The following PRDM16 variants were observed in gnomAD, a reference collection of about 807,000 sequenced individuals.
PRDM16 encodes the protein histone-lysine N-methyltransferase PRDM16.
PRDM16 carries 23 observed loss-of-function variants against 110.6 expected under a neutral mutation model. The observed-to-expected ratio is 0.21, with a 90% confidence interval of 0.15 to 0.29. PRDM16 has a LOEUF of 0.29. PRDM16 is among the 10% of genes least tolerant of loss of function. The pLI is 1.00. For synonymous variants in PRDM16, 799 were observed against 781.8 expected (o/e 1.02, Z -0.37); for missense variants, 1,615 against 1,794.3 (o/e 0.90, Z 1.81).
chr1:3,235,243 C>T (rs1333997691), intron 2 of PRDM16, among the ~76,000 whole-genome samples: 1 of 152,234 alleles, frequency 6.6e-6, no homozygotes, highest in Non-Finnish European at 1.5e-5. Context: ...AACAAACAGC[C>T]TCGCAGAACT....
intron 1 of PRDM16, among the ~76,000 whole-genome samples, chr1:3,181,306 A>ACG (rs1553140978): frequency 2.4e-5 from 3 of 126,748 alleles, no homozygotes; most frequent in African/African-American, 5.8e-5. Context: ...AGTCTTACAC[A>ACG]CGGTCTTACA....
intron 14 of PRDM16, among the ~76,000 whole-genome samples, chr1:3,428,043 C>T (rs564522360): frequency 3.1e-4 from 47 of 152,310 alleles, no homozygotes; most frequent in East Asian, 7.7e-4. Flanking sequence ...TAAGGCCAGG[C>T]GAGGAACAAG....
rs1217629270 is a variant in PRDM16 at position 3,246,442 on chromosome 1, G to A, written c.438+2305G>A. Among the ~76,000 whole-genome samples the A allele has an allele frequency of 2.0e-5, 3 of 152,344 alleles. No homozygotes were observed. Among genetic ancestry groups the A allele is most frequent in the African/African-American group, 7.2e-5 (3 of 41,586 alleles). On this transcript the variant is annotated intron_variant, in intron 3 of 16. Coordinates refer to ENST00000270722, the MANE Select transcript of PRDM16 (RefSeq NM_022114.4). This position sits in a 1 kb window ranked among gnomAD's most constrained non-coding sequence, Gnocchi z 5.2. ...GACCCCCCACGGCACCGCCGCGACT[G>A]CAGGGAGCTCAGCGCAGGGTACCAG...
chr1:3,351,862 A>G (rs940276878), intron 3 of PRDM16, among the ~76,000 whole-genome samples: 3 of 148,542 alleles, frequency 2.0e-5, no homozygotes, highest in African/African-American at 7.5e-5. Context: ...GAGAACTCAC[A>G]CACTCACTCT....
intron 2 of PRDM16, among the ~76,000 whole-genome samples, chr1:3,240,038 A>AAGAGG (rs1317578311): frequency 1.9e-5 from 2 of 105,306 alleles, no homozygotes; most frequent in Non-Finnish European, 3.7e-5. Flanking sequence ...AGGAGAGGAG[A>AAGAGG]AGAGGAGAGG....
chr1:3,347,423 G>A (rs1262567856), intron 3 of PRDM16, among the ~76,000 whole-genome samples: 3 of 152,230 alleles, frequency 2.0e-5, no homozygotes, highest in African/African-American at 7.2e-5. Flanking sequence ...GCCCACGGTG[G>A]TGCAGGTCCC....
chr1:3,334,614 G>A (rs1398897579), intron 3 of PRDM16, among the ~76,000 whole-genome samples: 1 of 152,042 alleles, frequency 6.6e-6, no homozygotes, highest in Non-Finnish European at 1.5e-5. Flanking sequence ...TGCAGAGGCT[G>A]TGCCCAGTGG....
At position 3,069,251 on chromosome 1, in the gene PRDM16, G is replaced by C. The variant is rs752710251; in HGVS notation, c.-9G>C. On this transcript the variant is annotated 5_prime_UTR_variant, in exon 1 of 17. Transcript: ENST00000270722. The surrounding 1 kb of genome is among the most constrained non-coding windows in gnomAD (Gnocchi z 6.1). ...AAGGAGGAGGAGAGAGATTCCGCGA[G>C]CCGACACCATGCGATCCAAGGCGAG... The C allele has an allele frequency of 2.0e-5, 32 of 1,576,870 alleles. No homozygotes were observed. The highest frequency in any genetic ancestry group is 2.5e-5 in the Non-Finnish European group (29 of 1,162,900).
intron 1 of PRDM16, among the ~76,000 whole-genome samples, chr1:3,104,482 G>A (rs937092179): frequency 1.4e-5 from 2 of 138,716 alleles, no homozygotes; most frequent in Admixed American, 1.5e-4. Flanking sequence ...CTGAGTCAGC[G>A]GGCATCTCCA....
At position 3,409,129 on chromosome 1, in the gene PRDM16, ATGTGAGTG is replaced by A. The variant is rs1009225792; in HGVS notation, c.1187-2244_1187-2237del. 3.1e-4 allele frequency among the ~76,000 whole-genome samples: 29 copies of A among 94,004 alleles called. No homozygotes were observed. In the South Asian group the frequency reaches 5.0e-3, roughly 16 times the overall value. The allele number at this position is 94,004 out of a possible 152,430, so 61.7% of individuals were successfully genotyped here. A position where few individuals can be genotyped will look rare whatever the true frequency, so the allele number is the denominator to read the frequency against. On this transcript the variant is annotated intron_variant, in intron 8 of 16. Coordinates refer to ENST00000270722, the MANE Select transcript of PRDM16 (RefSeq NM_022114.4). Reference sequence around the variant, plus strand: ...CGAGTGTGGGCGTGTGAGTTGATGCATGTGAGTGTGTGAGTGTGGGTGTGTGTGAGTGA... The same window carrying A: ...CGAGTGTGGGCGTGTGAGTTGATGCATGTGAGTGTGGGTGTGTGTGAGTGA...
intron 8 of PRDM16, among the ~76,000 whole-genome samples, chr1:3,410,871 C>A (rs1210894495): frequency 6.6e-6 from 1 of 152,150 alleles, no homozygotes; most frequent in East Asian, 1.9e-4. Flanking sequence ...GGTTCACCTT[C>A]CCCAGGGACT....
At chr1:3,403,726 T>G (rs560663060) in intron 6 of PRDM16, among the ~76,000 whole-genome samples, 2 of 152,260 alleles carry the variant, frequency 1.3e-5, no homozygotes, top group South Asian at 4.1e-4. Flanking sequence ...GGACATTCAG[T>G]CCAGTGCTGT....
chr1:3,076,713 T>C (rs141194944), intron 1 of PRDM16, among the ~76,000 whole-genome samples: 1 of 152,308 alleles, frequency 6.6e-6, no homozygotes, highest in Non-Finnish European at 1.5e-5. Flanking sequence ...GAGGAGAGGT[T>C]TTCCAGGCTT....
At chr1:3,135,332 G>A (rs771062901) in intron 1 of PRDM16, among the ~76,000 whole-genome samples, 19 of 152,304 alleles carry the variant, frequency 1.2e-4, no homozygotes, top group African/African-American at 4.6e-4. Flanking sequence ...GCCCTTCATC[G>A]TACCCAGCTC....
chr1:3,088,110 C>T (rs1454705452), intron 1 of PRDM16, among the ~76,000 whole-genome samples: 3 of 152,064 alleles, frequency 2.0e-5, no homozygotes. Flanking sequence ...CTACATTCTC[C>T]CTGTGCTGCT....
Position 3,181,157 on chromosome 1 carries a change from T to G in PRDM16, c.38-4968T>G, listed in dbSNP as rs988929234. ...ACACGCGGTCTTACACACGCAGTCT[T>G]ACACGCGGTCTTACGGTCTTACACA... is the stretch of plus-strand genomic sequence containing the variant. On this transcript the variant is annotated intron_variant, in intron 1 of 16. Transcript: ENST00000270722. Among the ~76,000 whole-genome samples the G allele has an allele frequency of 1.4e-3, 176 of 121,688 alleles. 1 individual carries two copies. Among genetic ancestry groups the G allele is most frequent in the Non-Finnish European group, 2.1e-3 (127 of 60,538 alleles). 79.8% of individuals were successfully genotyped at this position (121,688 alleles called of 152,430 possible). A position where few individuals can be genotyped will look rare whatever the true frequency, so the allele number is the denominator to read the frequency against.
intron 2 of PRDM16, among the ~76,000 whole-genome samples, chr1:3,198,440 G>A (rs1013048055): frequency 6.6e-6 from 1 of 152,260 alleles, no homozygotes; most frequent in South Asian, 2.1e-4. Flanking sequence ...CAGCTGCCAG[G>A]ATGCCGTGAG....
At chr1:3,257,714 C>A (rs537027170) in intron 3 of PRDM16, among the ~76,000 whole-genome samples, 1 of 152,312 alleles carries the variant, frequency 6.6e-6, no homozygotes, top group East Asian at 1.9e-4. Flanking sequence ...AATACGCCTG[C>A]CTTGGGGTCT....
chr1:3,212,141 G>A (rs1044116893), intron 2 of PRDM16, among the ~76,000 whole-genome samples: 1 of 152,214 alleles, frequency 6.6e-6, no homozygotes, highest in Non-Finnish European at 1.5e-5. Flanking sequence ...GAAGGACTGC[G>A]CGGCGCGGGC....
Sources: allele counts gnomAD v4.1 joint callset (sites outside exome capture counted in the v4.1 genomes callset), GRCh38; gene constraint gnomAD v4.1.1; non-coding constraint Gnocchi (gnomAD v3.1); transcripts MANE v1.5; gene names NCBI Gene and HGNC (gene_info 2026-07-23, HGNC 2026-07-21).